The following TRPV3 variants were observed in gnomAD, a reference collection of about 807,000 sequenced individuals.
The protein encoded by TRPV3 is transient receptor potential cation channel subfamily V member 3.
Under a neutral mutation model 87.1 loss-of-function variants are expected in TRPV3, and 88 were observed. The ratio of observed to expected loss-of-function variants is 1.01; its 90% CI spans 0.85 to 1.21. The LOEUF (loss-of-function observed/expected upper bound fraction) is 1.21, where lower values mean the gene tolerates loss of function less well. Among genes scored for constraint, TRPV3 ranks in the 50% most tolerant of loss-of-function variants. The pLI is 0.00. For synonymous variants in TRPV3, 438 were observed against 423.3 expected (o/e 1.03, Z -0.43); for missense variants, 1,054 against 1,030.1 (o/e 1.02, Z -0.32).
rs931513476 is a variant in TRPV3 at position 3,554,983 on chromosome 17, C to T, written c.-2-131G>A. 5.0e-6 allele frequency: 3 copies of T among 600,116 alleles called. No homozygotes were observed. The African/African-American group carries it at 5.6e-5, about 11-fold the overall frequency. 37.2% of individuals were successfully genotyped at this position (600,116 alleles called of 1,614,324 possible). A position where few individuals can be genotyped will look rare whatever the true frequency, so the allele number is the denominator to read the frequency against. ...GGAACTGGAAGCTCACTCCTCCCTTCCCAGTTCACCAATCCTTCTTCAAGG... is the reference window on the plus strand; with the variant it reads ...GGAACTGGAAGCTCACTCCTCCCTTTCCAGTTCACCAATCCTTCTTCAAGG... On this transcript the variant is annotated intron_variant, in intron 1 of 17. Coordinates refer to ENST00000576742, the MANE Select transcript of TRPV3 (RefSeq NM_145068.4).
chr17:3,515,647 T>TA (rs1190102505), intron 16 of TRPV3, among the ~76,000 whole-genome samples: 1 of 149,428 alleles, frequency 6.7e-6, no homozygotes, highest in Admixed American at 6.7e-5. Flanking sequence ...GAACTCCTTT[T>TA]AAAAAAACAG....
chr17:3,519,280 C>T (rs1360264907), intron 14 of TRPV3, among the ~76,000 whole-genome samples: 1 of 152,170 alleles, frequency 6.6e-6, no homozygotes, highest in Non-Finnish European at 1.5e-5. Context: ...GCTCACACTT[C>T]CCTTCTTTCC....
intron 14 of TRPV3, among the ~76,000 whole-genome samples, chr17:3,519,453 GATGATTA>G (rs1286073360): frequency 2.3e-4 from 30 of 131,996 alleles, no homozygotes; most frequent in African/African-American, 8.4e-4. Flanking sequence ...TGGATGGATA[GATGATTA>G]GATGGATGGA....
chr17:3,546,022 A>T (rs1597489615), intron 2 of TRPV3, among the ~76,000 whole-genome samples: 1 of 149,690 alleles, frequency 6.7e-6, no homozygotes, highest in South Asian at 2.1e-4. Flanking sequence ...GAAAACAGGG[A>T]GCACAGGGCC....
At chr17:3,532,511 A>T in intron 8 of TRPV3, 146 bp downstream of exon 8, 1 of 1,058,916 alleles carries the variant, frequency 9.4e-7, no homozygotes, top group Non-Finnish European at 1.3e-6. Flanking sequence ...CCGCCACGCC[A>T]CTGCAGTTCT....
chr17:3,549,466 A>T (rs780714581), intron 2 of TRPV3, among the ~76,000 whole-genome samples: 5 of 152,236 alleles, frequency 3.3e-5, no homozygotes, highest in Non-Finnish European at 7.3e-5. Flanking sequence ...CAGAGACTAC[A>T]GTTGAATTAT....
At chr17:3,550,160 G>C (rs1248052681) in intron 2 of TRPV3, among the ~76,000 whole-genome samples, 1 of 152,190 alleles carries the variant, frequency 6.6e-6, no homozygotes, top group Non-Finnish European at 1.5e-5. Context: ...AAAATGTTGG[G>C]AGGTTGCATC....
At position 3,513,430 on chromosome 17, in the gene TRPV3, C is replaced by G. The variant is rs1307182720; in HGVS notation, c.*487G>C. The G allele has an allele frequency of 6.4e-6, 1 of 155,782 alleles. No homozygotes were observed. The highest frequency in any genetic ancestry group is 6.2e-5 in the Admixed American group (1 of 16,058). 9.6% of individuals were successfully genotyped at this position (155,782 alleles called of 1,614,324 possible). A position where few individuals can be genotyped will look rare whatever the true frequency, so the allele number is the denominator to read the frequency against. On this transcript the variant is annotated 3_prime_UTR_variant, in exon 18 of 18. Transcript: ENST00000576742. ...AGCTTACCTCCGTCCCCCGCACACTCTGGGATGGGATCACGGGTCTCCCAC... is the reference window on the plus strand; with the variant it reads ...AGCTTACCTCCGTCCCCCGCACACTGTGGGATGGGATCACGGGTCTCCCAC...
intron 17 of TRPV3, 104 bp from the exon 18 acceptor site, chr17:3,514,115 G>A (rs2074150161): frequency 1.0e-6 from 1 of 999,230 alleles, no homozygotes; most frequent in Non-Finnish European, 1.4e-6. Context: ...TTTCCCTCTT[G>A]TCACCCAGGC....
rs765097714 is a variant in TRPV3 at position 3,521,013 on chromosome 17, G to C, written c.1770C>G (p.Phe590Leu). ...GCAAAAACACGATATATACAAACAA[G>C]AACTTCAGAACATCATGCAAAATGA... ...QKVILHDVLK[F>L]LFVYIVFLLG... is the part of the protein sequence containing the mutation. Residue 590 changes from phenylalanine (F) to leucine (L), a missense_variant, in exon 14 of 18, where the codon TTC becomes TTG. Coordinates refer to ENST00000576742, the MANE Select transcript of TRPV3 (RefSeq NM_145068.4). 3 of 1,607,694 alleles carry C rather than the reference G, an allele frequency of 1.9e-6. No individual in the cohort carries two copies. Among genetic ancestry groups the C allele is most frequent in the Non-Finnish European group, 2.6e-6 (3 of 1,175,644 alleles).
Position 3,516,641 on chromosome 17 carries a change from G to A in TRPV3, c.2086-72C>T, listed in dbSNP as rs78767235. On this transcript the variant is annotated intron_variant, in intron 15 of 17. Transcript: ENST00000576742. ...CACACACAAGGGCACACACACTGTC[G>A]GGGAGCCCACTCCACCCTCACCTCA... The A allele has an allele frequency of 8.4e-4, 924 of 1,102,846 alleles. 12 individuals carry two copies. In the East Asian group the frequency reaches 0.018, roughly 22 times the overall value. 68.3% of individuals were successfully genotyped at this position (1,102,846 alleles called of 1,614,324 possible).
chr17:3,540,390 G>A (rs1053276030), intron 6 of TRPV3, among the ~76,000 whole-genome samples: 5 of 152,182 alleles, frequency 3.3e-5, no homozygotes, highest in African/African-American at 1.2e-4. Flanking sequence ...ACCATTCAGA[G>A]AAAGAGGAGG....
At chr17:3,538,499 G>C (rs2074428620) in intron 6 of TRPV3, among the ~76,000 whole-genome samples, 1 of 151,320 alleles carries the variant, frequency 6.6e-6, no homozygotes, top group Non-Finnish European at 1.5e-5. Flanking sequence ...GAGTATTTCT[G>C]TACACCGTTG....
chr17:3,535,520 C>T (rs555234355), intron 7 of TRPV3, 53 bp downstream of exon 7: 147 of 1,499,704 alleles, frequency 9.8e-5, no homozygotes, highest in African/African-American at 3.3e-4. Flanking sequence ...CTTCCTCTCC[C>T]GTCTCCCTCC....
chr17:3,542,117 C>T (rs546306915), intron 6 of TRPV3, among the ~76,000 whole-genome samples: 2 of 152,224 alleles, frequency 1.3e-5, no homozygotes, highest in Non-Finnish European at 2.9e-5. Context: ...CCACCATGCC[C>T]GGCTGATTTT....
intron 6 of TRPV3, among the ~76,000 whole-genome samples, chr17:3,539,884 C>T (rs2074443089): frequency 1.3e-5 from 2 of 151,952 alleles, no homozygotes; most frequent in Admixed American, 1.3e-4. Context: ...CTCTTAGCAG[C>T]ATAGGGAGGA....
At position 3,528,911 on chromosome 17, in the gene TRPV3, G is replaced by A. The variant is rs1311695399; in HGVS notation, c.1327C>T (p.Leu443=). 1 of 1,614,214 alleles carries A rather than the reference G, an allele frequency of 6.2e-7. No individual in the cohort carries two copies. Among genetic ancestry groups the A allele is most frequent in the African/African-American group, 1.3e-5 (1 of 75,040 alleles). Reference sequence around the variant, plus strand: ...TAGAAGAAATAAAAGCAGAAGGACAGAAAGAACATGTGCTTGGCAAACTTC... The same window carrying A: ...TAGAAGAAATAAAAGCAGAAGGACAAAAAGAACATGTGCTTGGCAAACTTC... The part of the protein sequence containing the change: ...WKKFAKHMFF[L]SFCFYFFYNI... Residue 443 remains leucine (L), a synonymous_variant, in exon 10 of 18, where the codon CTG becomes TTG. Transcript: ENST00000576742. This position sits in a 1 kb window ranked among gnomAD's most constrained non-coding sequence, Gnocchi z 4.2.
intron 6 of TRPV3, among the ~76,000 whole-genome samples, chr17:3,537,580 G>A (rs190815022): frequency 1.2e-3 from 176 of 152,228 alleles, no homozygotes; most frequent in Non-Finnish European, 1.2e-3. Context: ...GTGATAGGCT[G>A]GGGAAAATAT....
At chr17:3,545,598 C>G (rs911860639) in intron 2 of TRPV3, among the ~76,000 whole-genome samples, 8 of 152,016 alleles carry the variant, frequency 5.3e-5, no homozygotes, top group African/African-American at 1.9e-4. Flanking sequence ...CCAGTAGGAT[C>G]TGTGGCCCAC....
Sources: gnomAD v4.1 joint callset for allele counts (sites outside exome capture counted in the v4.1 genomes callset) on GRCh38, gnomAD v4.1.1 for gene constraint, Gnocchi (gnomAD v3.1) non-coding constraint, MANE v1.5 for transcripts, NCBI Gene and HGNC (gene_info 2026-07-23, HGNC 2026-07-21) for gene names.